Variants in SLC24A2 observed in about 807,000 individuals in gnomAD.
SLC24A2 encodes the protein solute carrier family 24 member 2.
Under a neutral mutation model 62.0 loss-of-function variants are expected in SLC24A2, and 36 were observed. The ratio of observed to expected loss-of-function variants is 0.58; its 90% CI spans 0.44 to 0.77. The LOEUF is 0.77. SLC24A2 is among the 30% of genes least tolerant of loss of function. The probability of loss-of-function intolerance (pLI) is 0.00; values close to 1 mark genes in which losing one functional copy is unlikely to be tolerated. For missense variants in SLC24A2, 846 were observed against 817.9 expected (o/e 1.03, Z -0.42); for synonymous variants, 358 against 294.0 (o/e 1.22, Z -2.23).
chr9:20,170,298 G>T, the SLC24A2 span, among the ~76,000 whole-genome samples: 1 of 151,902 alleles, frequency 6.6e-6, no homozygotes, highest in African/African-American at 2.4e-5. Flanking sequence ...TCTCAGCAAG[G>T]CAATTTACTT....
At chr9:20,171,788 C>T in the SLC24A2 span, among the ~76,000 whole-genome samples, 1 of 152,022 alleles carries the variant, frequency 6.6e-6, no homozygotes, top group Admixed American at 6.6e-5. Context: ...GCTCCACTGA[C>T]AGCACTAGAC....
At chr9:19,748,694 GTTT>G (rs1821903398) in intron 2 of SLC24A2, among the ~76,000 whole-genome samples, 5 of 151,894 alleles carry the variant, frequency 3.3e-5, no homozygotes, top group Non-Finnish European at 5.9e-5. Flanking sequence ...TTGTTTGTTT[GTTT>G]GTTGGTTGGT....
chr9:19,674,786 G>C (rs889356781), intron 2 of SLC24A2, among the ~76,000 whole-genome samples: 18 of 152,046 alleles, frequency 1.2e-4, no homozygotes, highest in African/African-American at 2.4e-4. Context: ...ATTTCATTGA[G>C]TTGGACTTCA....
chr9:20,084,871 A>G, the SLC24A2 span, among the ~76,000 whole-genome samples: 2 of 152,210 alleles, frequency 1.3e-5, no homozygotes, highest in African/African-American at 4.8e-5. Flanking sequence ...GTTATGAAAG[A>G]TATTAAGAGG....
the SLC24A2 span, among the ~76,000 whole-genome samples, chr9:20,043,300 T>G: frequency 6.6e-6 from 1 of 152,034 alleles, no homozygotes; most frequent in Non-Finnish European, 1.5e-5. Flanking sequence ...ATATACAGAG[T>G]GATGAATGTT....
At chr9:20,218,923 C>T in the SLC24A2 span, among the ~76,000 whole-genome samples, 2 of 152,008 alleles carry the variant, frequency 1.3e-5, no homozygotes, top group African/African-American at 4.8e-5. Flanking sequence ...TCATTGGGAA[C>T]CCAAGCAGAA....
chr9:19,815,799 A>G, the SLC24A2 span, among the ~76,000 whole-genome samples: 1 of 152,062 alleles, frequency 6.6e-6, no homozygotes, highest in Non-Finnish European at 1.5e-5. Context: ...TGAATATTTT[A>G]CTTTTCACCA....
chr9:19,555,517 T>C (rs967741722), intron 7 of SLC24A2, among the ~76,000 whole-genome samples: 15 of 152,224 alleles, frequency 9.9e-5, no homozygotes, highest in Non-Finnish European at 1.9e-4. Flanking sequence ...AAACCATTCA[T>C]TTTATCCTTT....
chr9:20,304,960 A>G, the SLC24A2 span, among the ~76,000 whole-genome samples: 1 of 152,112 alleles, frequency 6.6e-6, no homozygotes, highest in African/African-American at 2.4e-5. Context: ...TCTTATGATC[A>G]TACCATGCCT....
intron 10 of SLC24A2, among the ~76,000 whole-genome samples, chr9:19,518,581 G>A (rs193005464): frequency 7.9e-5 from 12 of 151,976 alleles, no homozygotes; most frequent in East Asian, 1.9e-4. Context: ...GCCACCATTC[G>A]TAGATAATTT....
At chr9:19,782,887 C>T (rs1823055966) in intron 2 of SLC24A2, among the ~76,000 whole-genome samples, 1 of 152,148 alleles carries the variant, frequency 6.6e-6, no homozygotes, top group Non-Finnish European at 1.5e-5. Flanking sequence ...GCTTATTACA[C>T]AACCAGGCTA....
At chr9:19,951,440 G>A in the SLC24A2 span, among the ~76,000 whole-genome samples, 1 of 152,042 alleles carries the variant, frequency 6.6e-6, no homozygotes, top group African/African-American at 2.4e-5. Context: ...TTAACCTAAT[G>A]TCACAAAGGA....
chr9:19,850,985 G>GTA, the SLC24A2 span, among the ~76,000 whole-genome samples: 94 of 19,232 alleles, frequency 4.9e-3, 6 homozygotes, highest in African/African-American at 0.013. Flanking sequence ...ATATATATAT[G>GTA]TATATATATA....
chr9:20,108,944 T>G, the SLC24A2 span, among the ~76,000 whole-genome samples: 2 of 152,190 alleles, frequency 1.3e-5, no homozygotes, highest in African/African-American at 4.8e-5. Context: ...ATAGAGCACA[T>G]ATACTGACAG....
chr9:20,218,998 C>G, the SLC24A2 span, among the ~76,000 whole-genome samples: 1 of 152,104 alleles, frequency 6.6e-6, no homozygotes, highest in Admixed American at 6.6e-5. Context: ...TTAACAAAAT[C>G]AGAGAGTCAG....
chr9:20,097,720 A>AT, the SLC24A2 span, among the ~76,000 whole-genome samples: 104 of 69,106 alleles, frequency 1.5e-3, 15 homozygotes, highest in African/African-American at 3.9e-3. Context: ...ATCTTAAATA[A>AT]TTTTTTTTTT....
chr9:19,652,975 C>T (rs990981932), intron 2 of SLC24A2, among the ~76,000 whole-genome samples: 2 of 151,376 alleles, frequency 1.3e-5, no homozygotes, highest in African/African-American at 4.9e-5. Flanking sequence ...TCAATATCTG[C>T]CAAGGAAAAG....
intron 2 of SLC24A2, among the ~76,000 whole-genome samples, chr9:19,741,723 C>A (rs187150664): frequency 1.4e-4 from 21 of 152,262 alleles, no homozygotes; most frequent in African/African-American, 5.1e-4. Context: ...TTGACTGACA[C>A]AACCTCCAAG....
the SLC24A2 span, among the ~76,000 whole-genome samples, chr9:20,208,076 T>C: frequency 1.5e-3 from 227 of 152,186 alleles, no homozygotes; most frequent in Middle Eastern, 6.8e-3. Flanking sequence ...TATGTAAGTG[T>C]AAATGGTCAG....
Sources: gnomAD v4.1 joint callset for allele counts (sites outside exome capture counted in the v4.1 genomes callset) on GRCh38, gnomAD v4.1.1 for gene constraint, MANE v1.5 for transcripts, NCBI Gene and HGNC (gene_info 2026-07-23, HGNC 2026-07-21) for gene names.